Variants in BASP1 observed in about 807,000 individuals in gnomAD.
BASP1 encodes the protein brain acid soluble protein 1.
BASP1 carries 1 observed loss-of-function variant against 2.2 expected under a neutral mutation model. The observed-to-expected ratio is 0.46, with a 90% confidence interval of 0.16 to 2.17. The LOEUF (loss-of-function observed/expected upper bound fraction) is 2.17. Ranked by LOEUF, BASP1 falls within the 30% of genes most tolerant of loss-of-function variation. The pLI is 0.27. For synonymous variants in BASP1, 187 were observed against 154.2 expected (o/e 1.21, Z -1.58); for missense variants, 352 against 327.2 (o/e 1.08, Z -0.58).
At chr5:17,257,279 A>G (rs1197368705) in intron 1 of BASP1, among the ~76,000 whole-genome samples, 1 of 151,932 alleles carries the variant, frequency 6.6e-6, no homozygotes, top group Non-Finnish European at 1.5e-5. Context: ...ATTGCAGGCT[A>G]TAACCTAGAA....
At chr5:17,240,166 A>ATAAATAAC (rs1027606785) in intron 1 of BASP1, among the ~76,000 whole-genome samples, 4 of 147,176 alleles carry the variant, frequency 2.7e-5, no homozygotes, top group Non-Finnish European at 6.1e-5. Context: ...AAATAAATAA[A>ATAAATAAC]TAACAGGTTG....
intron 1 of BASP1, among the ~76,000 whole-genome samples, chr5:17,237,964 G>C (rs947365473): frequency 4.1e-4 from 62 of 152,162 alleles, no homozygotes; most frequent in African/African-American, 1.4e-3. Context: ...TGTTCGCCAA[G>C]CATGTATGAA....
At chr5:17,231,782 A>G (rs1739637575) in intron 1 of BASP1, among the ~76,000 whole-genome samples, 1 of 152,178 alleles carries the variant, frequency 6.6e-6, no homozygotes, top group Non-Finnish European at 1.5e-5. Flanking sequence ...AGATTAAAAC[A>G]TCCAGGAGGC....
Position 17,276,214 on chromosome 5 carries a change from T to G in BASP1, c.*314T>G. 4.3e-6 allele frequency: 1 copy of G among 230,256 alleles called. No individual in the cohort carries two copies. The allele number at this position is 230,256 out of a possible 1,614,324, so 14.3% of individuals were successfully genotyped here. On this transcript the variant is annotated 3_prime_UTR_variant, in exon 2 of 2. Coordinates refer to ENST00000322611, the MANE Select transcript of BASP1 (RefSeq NM_006317.5). ...GATTTCCAAGATCCGCGTCTGAAAGTGCAGTACATCGTTTGTACCTGAAAC... is the reference window on the plus strand; with the variant it reads ...GATTTCCAAGATCCGCGTCTGAAAGGGCAGTACATCGTTTGTACCTGAAAC...
upstream of BASP1, chr5:17,217,061 A>AGAGAGTGT (rs1739255757): frequency 1.0e-5 from 1 of 97,378 alleles, no homozygotes; most frequent in African/African-American, 3.6e-5. Context: ...GGGGAGAGAG[A>AGAGAGTGT]GAGAGAGAGT....
At chr5:17,267,901 G>T (rs775603647) in intron 1 of BASP1, among the ~76,000 whole-genome samples, 5 of 138,840 alleles carry the variant, frequency 3.6e-5, no homozygotes, top group Non-Finnish European at 7.6e-5. Flanking sequence ...AATGACGTAT[G>T]AAGACATCCA....
chr5:17,253,076 C>T (rs1248146961), intron 1 of BASP1, among the ~76,000 whole-genome samples: 1 of 152,130 alleles, frequency 6.6e-6, no homozygotes, highest in Non-Finnish European at 1.5e-5. Context: ...GAATTTCTAG[C>T]TCATAATCTG....
chr5:17,221,586 ACT>A (rs1348051051), intron 1 of BASP1, among the ~76,000 whole-genome samples: 17 of 152,278 alleles, frequency 1.1e-4, no homozygotes, highest in African/African-American at 3.8e-4. Flanking sequence ...GGGGAAAAAC[ACT>A]GAGTAGATAT....
intron 1 of BASP1, among the ~76,000 whole-genome samples, chr5:17,245,263 T>C (rs1203911642): frequency 6.7e-6 from 1 of 148,992 alleles, no homozygotes; most frequent in African/African-American, 2.5e-5. Flanking sequence ...GCTCACACCA[T>C]TACACTCTAG....
Position 17,224,615 on chromosome 5 carries a change from G to A in BASP1, c.-10+6805G>A, listed in dbSNP as rs145313467. On this transcript the variant is annotated intron_variant, in intron 1 of 1. Transcript: ENST00000322611. ...ACTTCTAATATTTCATCAGTATTACGTTAAATTGCTTGTAGATTAGAGGTG... is the reference window on the plus strand; with the variant it reads ...ACTTCTAATATTTCATCAGTATTACATTAAATTGCTTGTAGATTAGAGGTG... Among the ~76,000 whole-genome samples the A allele has an allele frequency of 1.7e-4, 26 of 152,322 alleles. 1 individual carries two copies. The East Asian group carries it at 1.9e-3, about 11-fold the overall frequency.
At chr5:17,273,404 A>G (rs1213112805) in intron 1 of BASP1, among the ~76,000 whole-genome samples, 1 of 152,202 alleles carries the variant, frequency 6.6e-6, no homozygotes, top group African/African-American at 2.4e-5. Flanking sequence ...TTTCTAAAAA[A>G]AAAGGACATG....
At chr5:17,221,173 C>A (rs1739386584) in intron 1 of BASP1, among the ~76,000 whole-genome samples, 1 of 152,126 alleles carries the variant, frequency 6.6e-6, no homozygotes, top group African/African-American at 2.4e-5. Flanking sequence ...AAAGGGAAAG[C>A]CTAGCAAGTC....
chr5:17,227,109 T>C (rs2069421479), intron 1 of BASP1, among the ~76,000 whole-genome samples: 1 of 150,186 alleles, frequency 6.7e-6, no homozygotes, highest in African/African-American at 2.5e-5. Flanking sequence ...TTTCGTATTT[T>C]TAGTAGAGAC....
At chr5:17,270,717 A>G (rs1488210121) in intron 1 of BASP1, among the ~76,000 whole-genome samples, 1 of 152,246 alleles carries the variant, frequency 6.6e-6, no homozygotes, top group Admixed American at 6.5e-5. Context: ...CCAGCAAAGA[A>G]TTATCTAAGA....
chr5:17,220,832 A>G (rs894008951), intron 1 of BASP1, among the ~76,000 whole-genome samples: 1 of 152,126 alleles, frequency 6.6e-6, no homozygotes, highest in African/African-American at 2.4e-5. Context: ...TTAATTTCAC[A>G]ATTAAGAACA....
Position 17,275,970 on chromosome 5 carries a change from T to TCTCTCC in BASP1, c.*70_*71insCTCTCC. The TCTCTCC allele has an allele frequency of 7.9e-7, 1 of 1,261,214 alleles. No homozygotes were observed. The highest frequency in any genetic ancestry group is 1.1e-6 in the Non-Finnish European group (1 of 950,318). The allele number at this position is 1,261,214 out of a possible 1,614,324, so 78.1% of individuals were successfully genotyped here. The stretch of plus-strand genomic sequence containing the variant: ...CTCTCTCTCTCTCTCTCTCTCTCTC[T>TCTCTCC]ATCTCTCTCTCTATCTCCTCTCTCT... On this transcript the variant is annotated 3_prime_UTR_variant, in exon 2 of 2. Coordinates refer to ENST00000322611, the MANE Select transcript of BASP1 (RefSeq NM_006317.5). This position sits in a 1 kb window ranked among gnomAD's most constrained non-coding sequence, Gnocchi z 5.3.
In BASP1 at chr5:17,227,103, G is replaced by A. The variant is rs112993821; in HGVS notation, c.-10+9293G>A. Among the ~76,000 whole-genome samples the A allele has an allele frequency of 1.7e-3, 246 of 148,902 alleles. 1 individual carries two copies. Among genetic ancestry groups the A allele is most frequent in the African/African-American group, 5.8e-3 (235 of 40,442 alleles). ...GCCACCATGCCCAGCTAATTTTTTC[G>A]TATTTTTAGTAGAGACAAGGTTTCA... On this transcript the variant is annotated intron_variant, in intron 1 of 1. Transcript: ENST00000322611.
intron 1 of BASP1, among the ~76,000 whole-genome samples, chr5:17,226,862 A>ATT (rs975490664): frequency 6.6e-6 from 1 of 151,852 alleles, no homozygotes; most frequent in Non-Finnish European, 1.5e-5. Flanking sequence ...TCACCTGGGT[A>ATT]TTTACTATAG....
At chr5:17,254,272 A>G (rs1264030330) in intron 1 of BASP1, among the ~76,000 whole-genome samples, 2 of 152,178 alleles carry the variant, frequency 1.3e-5, no homozygotes, top group African/African-American at 4.8e-5. Flanking sequence ...TGCTAACATA[A>G]TTGTAATTCA....
Sources: gnomAD v4.1 joint callset for allele counts (sites outside exome capture counted in the v4.1 genomes callset) on GRCh38, gnomAD v4.1.1 for gene constraint, Gnocchi (gnomAD v3.1) non-coding constraint, MANE v1.5 for transcripts, NCBI Gene and HGNC (gene_info 2026-07-23, HGNC 2026-07-21) for gene names.